Variants in FZD9 observed in about 807,000 individuals in gnomAD.
FZD9 encodes frizzled class receptor 9, also known as frizzled-9.
In FZD9, 29 loss-of-function variants were observed where a neutral mutation model predicts 29.9. The ratio of observed to expected loss-of-function variants is 0.97; its 90% CI spans 0.72 to 1.32. FZD9 has a LOEUF of 1.32. Ranked by LOEUF, FZD9 falls within the 40% of genes most tolerant of loss-of-function variation. The probability of loss-of-function intolerance (pLI) is 0.00; values close to 1 mark genes in which losing one functional copy is unlikely to be tolerated. For missense variants in FZD9, 822 were observed against 857.8 expected, an observed-to-expected ratio of 0.96 and a Z score of 0.52; for synonymous variants, 384 against 393.9, an observed-to-expected ratio of 0.97 and a Z score of 0.30.
In FZD9 at chr7:73,433,832, C is replaced by T. The variant is rs1360786539; in HGVS notation, c.-176C>T. 4.1e-5 allele frequency: 14 copies of T among 342,318 alleles called. No individual in the cohort carries two copies. The East Asian group carries it at 9.0e-4, about 22-fold the overall frequency. The allele number at this position is 342,318 out of a possible 1,614,324, so 21.2% of individuals were successfully genotyped here. ...AGCGGCGGTGGCGGCTAGGCGGGCT[C>T]GGCGGCTCCTGTCCCTCGGGCGGCT... On this transcript the variant is annotated 5_prime_UTR_variant, in exon 1 of 1. Coordinates refer to ENST00000344575, the MANE Select transcript of FZD9 (RefSeq NM_003508.3).
rs1164127954 is a variant in FZD9, at chr7:73,434,811, C to T, written c.804C>T (p.Ile268=). The T allele has an allele frequency of 1.2e-6, 2 of 1,613,156 alleles. No homozygotes were observed. The highest frequency in any genetic ancestry group is 2.7e-5 in the African/African-American group (2 of 74,936). ...TCCAGTACCCCGAGCGCCCCATCATCTTCCTCTCCATGTGCTACAACGTCT... is the reference window on the plus strand; with the variant it reads ...TCCAGTACCCCGAGCGCCCCATCATTTTCCTCTCCATGTGCTACAACGTCT... ...HRFQYPERPI[I]FLSMCYNVYS... Residue 268 remains isoleucine (I), a synonymous_variant, in exon 1 of 1, where the codon ATC becomes ATT. Coordinates refer to ENST00000344575, the MANE Select transcript of FZD9 (RefSeq NM_003508.3).
rs1019630729 is a variant in FZD9, at chr7:73,435,677, C to G, written c.1670C>G (p.Ala557Gly). 6.2e-7 allele frequency: 1 copy of G among 1,613,078 alleles called. No individual in the cohort carries two copies. Among genetic ancestry groups the G allele is most frequent in the East Asian group, 2.2e-5 (1 of 44,864 alleles). ...AGRARAKACR[A>G]PGSYGRGTHC... is the part of the protein sequence containing the mutation. ...CGGGCCCGGGCCAAGGCCTGCCGCG[C>G]CCCCGGGAGCTACGGACGTGGCACG... The change falls in exon 1 of 1, where the codon GCC becomes GGC. Residue 557 changes from alanine to glycine, a missense_variant. Transcript: ENST00000344575.
rs373174806 is a variant in FZD9, at chr7:73,435,036, G to A, written c.1029G>A (p.Gly343=). The part of the protein sequence containing the change: ...VLTLTWFLAA[G]KKWGHEAIEA... ...CGCTCACCTGGTTCCTGGCTGCCGG[G>A]AAGAAATGGGGCCACGAGGCCATCG... Residue 343 remains glycine (G), a synonymous_variant, in exon 1 of 1, where the codon GGG becomes GGA. Transcript: ENST00000344575. 4.3e-6 allele frequency: 7 copies of A among 1,613,872 alleles called. No individual in the cohort carries two copies. Among genetic ancestry groups the A allele is most frequent in the African/African-American group, 1.3e-5 (1 of 75,070 alleles).
At position 73,433,970 on chromosome 7, in the gene FZD9, CG is replaced by C. The variant is rs1787342501; in HGVS notation, c.-34del. ...GCGGGACCGCTGAGCCCGAGTGAGCCGGGGCCGCGCTCCCGCCTTCGGCCCG... is the reference window on the plus strand; with the variant it reads ...GCGGGACCGCTGAGCCCGAGTGAGCCGGGCCGCGCTCCCGCCTTCGGCCCG... On this transcript the variant is annotated 5_prime_UTR_variant, in exon 1 of 1. Coordinates refer to ENST00000344575, the MANE Select transcript of FZD9 (RefSeq NM_003508.3). 8.5e-7 allele frequency: 1 copy of C among 1,170,168 alleles called. No individual in the cohort carries two copies. Among genetic ancestry groups the C allele is most frequent in the Non-Finnish European group, 1.1e-6 (1 of 948,682 alleles). 72.5% of individuals were successfully genotyped at this position (1,170,168 alleles called of 1,614,324 possible). A position where few individuals can be genotyped will look rare whatever the true frequency, so the allele number is the denominator to read the frequency against.
Position 73,434,631 on chromosome 7 carries a change from C to A in FZD9, c.624C>A (p.Ser208Arg). The change falls in exon 1 of 1, where the codon AGC (serine) becomes AGA (arginine). Residue 208 changes from serine (S) to arginine (R), a missense_variant. Ser to Arg is a moderately radical substitution (Grantham distance 110). Transcript: ENST00000344575. Reference protein sequence around the residue: ...NPEKFQYVEKSRSCAPRCGPG... With the variant: ...NPEKFQYVEKRRSCAPRCGPG... Reference sequence around the variant, plus strand: ...AGAAGTTCCAGTACGTGGAGAAGAGCCGCTCGTGCGCACCGCGCTGCGGGC... The same window carrying A: ...AGAAGTTCCAGTACGTGGAGAAGAGACGCTCGTGCGCACCGCGCTGCGGGC... 6.3e-7 allele frequency: 1 copy of A among 1,590,990 alleles called. No homozygotes were observed. The highest frequency in any genetic ancestry group is 8.5e-7 in the Non-Finnish European group (1 of 1,174,988).
At position 73,435,347 on chromosome 7, in the gene FZD9, A is replaced by G; in HGVS notation, c.1340A>G (p.Lys447Arg). 1 of 1,613,838 alleles carries G rather than the reference A, an allele frequency of 6.2e-7. No individual in the cohort carries two copies. Among genetic ancestry groups the G allele is most frequent in the Non-Finnish European group, 8.5e-7 (1 of 1,179,890 alleles). ...NTEKLEKLMV[K>R]IGVFSILYTV... The stretch of plus-strand genomic sequence containing the variant: ...GAGAAGCTGGAGAAGCTCATGGTCA[A>G]GATCGGGGTCTTCTCCATCCTCTAC... Residue 447 changes from lysine (K) to arginine (R), a missense_variant, in exon 1 of 1, where the codon AAG becomes AGG. Transcript: ENST00000344575.
rs782231665 is a variant in FZD9, at chr7:73,434,376, G to T, written c.369G>T (p.Ala123=). The change falls in exon 1 of 1, where the codon GCG becomes GCT. Residue 123 remains alanine, a synonymous_variant. Transcript: ENST00000344575. ...PMCEQARLRC[A]PIMEQFNFGW... is the part of the protein sequence containing the mutation. ...GCGAGCAGGCGCGCCTGCGCTGCGC[G>T]CCCATCATGGAGCAGTTCAACTTCG... 1 of 1,583,834 alleles carries T rather than the reference G, an allele frequency of 6.3e-7. No individual in the cohort carries two copies. The highest frequency in any genetic ancestry group is 8.5e-7 in the Non-Finnish European group (1 of 1,172,174).
In FZD9 at chr7:73,435,072, C is replaced by A; in HGVS notation, c.1065C>A (p.Gly355=). The A allele has an allele frequency of 6.2e-7, 1 of 1,612,850 alleles. No individual in the cohort carries two copies. Among genetic ancestry groups the A allele is most frequent in the Non-Finnish European group, 8.5e-7 (1 of 1,179,598 alleles). The part of the protein sequence containing the change: ...KWGHEAIEAH[G]SYFHMAAWGL... ...GCCACGAGGCCATCGAGGCCCACGG[C>A]AGCTATTTCCACATGGCTGCCTGGG... Residue 355 remains glycine, a synonymous_variant, in exon 1 of 1, where the codon GGC becomes GGA. Coordinates refer to ENST00000344575, the MANE Select transcript of FZD9 (RefSeq NM_003508.3).
rs782497063 is a variant in FZD9, at chr7:73,434,150, G to A, written c.143G>A (p.Arg48His). The stretch of plus-strand genomic sequence containing the variant: ...CAGGCGGTGGAGATCCCCATGTGCC[G>A]CGGCATCGGCTACAACCTGACCCGC... The part of the protein sequence containing the change: ...PCQAVEIPMC[R>H]GIGYNLTRMP... The change falls in exon 1 of 1, where the codon CGC becomes CAC. Residue 48 changes from arginine (R) to histidine (H), a missense_variant. Arg to His is a conservative substitution (Grantham distance 29). Transcript: ENST00000344575. 3.2e-6 allele frequency: 5 copies of A among 1,552,912 alleles called. No homozygotes were observed. Among genetic ancestry groups the A allele is most frequent in the East Asian group, 5.0e-5 (2 of 39,982 alleles).
In FZD9 at chr7:73,434,418, C is replaced by T; in HGVS notation, c.411C>T (p.Leu137=). Residue 137 remains leucine (L), a synonymous_variant, in exon 1 of 1, where the codon CTC becomes CTT. Coordinates refer to ENST00000344575, the MANE Select transcript of FZD9 (RefSeq NM_003508.3). ...EQFNFGWPDS[L]DCARLPTRND... is the part of the protein sequence containing the mutation. The stretch of plus-strand genomic sequence containing the variant: ...TCAACTTCGGCTGGCCGGACTCGCT[C>T]GACTGCGCCCGGCTGCCCACGCGCA... The T allele has an allele frequency of 6.4e-7, 1 of 1,563,380 alleles. No homozygotes were observed. Among genetic ancestry groups the T allele is most frequent in the Non-Finnish European group, 8.6e-7 (1 of 1,163,344 alleles).
Position 73,433,943 on chromosome 7 carries a change from G to A in FZD9, c.-65G>A, listed in dbSNP as rs1210230312. 3 of 1,118,850 alleles carry A rather than the reference G, an allele frequency of 2.7e-6. No homozygotes were observed. The African/African-American group carries it at 5.0e-5, about 19-fold the overall frequency. 69.3% of individuals were successfully genotyped at this position (1,118,850 alleles called of 1,614,324 possible). A position where few individuals can be genotyped will look rare whatever the true frequency, so the allele number is the denominator to read the frequency against. ...CGCGACGTGGCGGGCAGGCACCGGG[G>A]CGCGGGACCGCTGAGCCCGAGTGAG... is the stretch of plus-strand genomic sequence containing the variant. On this transcript the variant is annotated 5_prime_UTR_variant, in exon 1 of 1. Coordinates refer to ENST00000344575, the MANE Select transcript of FZD9 (RefSeq NM_003508.3).
rs782385561 is a variant in FZD9, at chr7:73,434,700, G to C, written c.693G>C (p.Ala231=). The change falls in exon 1 of 1, where the codon GCG becomes GCC. Residue 231 remains alanine (A), a synonymous_variant. Coordinates refer to ENST00000344575, the MANE Select transcript of FZD9 (RefSeq NM_003508.3). ...VFWSRRDKDF[A]LVWMAVWSAL... Reference sequence around the variant, plus strand: ...GGTCCCGGCGCGACAAGGACTTCGCGCTGGTCTGGATGGCCGTGTGGTCGG... The same window carrying C: ...GGTCCCGGCGCGACAAGGACTTCGCCCTGGTCTGGATGGCCGTGTGGTCGG... The C allele has an allele frequency of 3.2e-5, 51 of 1,605,958 alleles. No individual in the cohort carries two copies. The highest frequency in any genetic ancestry group is 4.2e-5 in the Non-Finnish European group (49 of 1,179,610).
In FZD9 at chr7:73,434,094, C is replaced by T; in HGVS notation, c.87C>T (p.Asp29=). 4 of 1,395,374 alleles carry T rather than the reference C, an allele frequency of 2.9e-6. No homozygotes were observed. The highest frequency in any genetic ancestry group is 2.8e-6 in the Non-Finnish European group (3 of 1,082,116). The allele number at this position is 1,395,374 out of a possible 1,614,324, so 86.4% of individuals were successfully genotyped here. ...GGAALEIGRF[D]PERGRGAAPC... Reference sequence around the variant, plus strand: ...CGGCACTGGAGATCGGCCGCTTCGACCCGGAGCGCGGGCGCGGGGCTGCGC... The same window carrying T: ...CGGCACTGGAGATCGGCCGCTTCGATCCGGAGCGCGGGCGCGGGGCTGCGC... Residue 29 remains aspartate, a synonymous_variant, in exon 1 of 1, where the codon GAC becomes GAT. Coordinates refer to ENST00000344575, the MANE Select transcript of FZD9 (RefSeq NM_003508.3).
chr7:73,434,790 G>A lies in FZD9; in HGVS notation c.783G>A (p.Gln261=), dbSNP rs1399061339. 1.8e-5 allele frequency: 29 copies of A among 1,612,694 alleles called. No homozygotes were observed. Among genetic ancestry groups the A allele is most frequent in the African/African-American group, 2.7e-5 (2 of 74,944 alleles). ...LTFLLEPHRF[Q]YPERPIIFLS... ...TCTTGCTGGAGCCCCACCGCTTCCAGTACCCCGAGCGCCCCATCATCTTCC... is the reference window on the plus strand; with the variant it reads ...TCTTGCTGGAGCCCCACCGCTTCCAATACCCCGAGCGCCCCATCATCTTCC... The change falls in exon 1 of 1, where the codon CAG becomes CAA. Residue 261 remains glutamine (Q), a synonymous_variant. Coordinates refer to ENST00000344575, the MANE Select transcript of FZD9 (RefSeq NM_003508.3).
rs1554563179 is a variant in FZD9 at position 73,434,162 on chromosome 7, A to G, written c.155A>G (p.Tyr52Cys). The G allele has an allele frequency of 6.4e-7, 1 of 1,567,392 alleles. No homozygotes were observed. Among genetic ancestry groups the G allele is most frequent in the Non-Finnish European group, 8.6e-7 (1 of 1,164,384 alleles). ...VEIPMCRGIG[Y>C]NLTRMPNLLG... ...ATCCCCATGTGCCGCGGCATCGGCT[A>G]CAACCTGACCCGCATGCCCAACCTG... is the stretch of plus-strand genomic sequence containing the variant. Residue 52 changes from tyrosine to cysteine, a missense_variant, in exon 1 of 1, where the codon TAC (tyrosine) becomes TGC (cysteine). By Grantham distance (194) the Tyr-to-Cys change is radical. Coordinates refer to ENST00000344575, the MANE Select transcript of FZD9 (RefSeq NM_003508.3).
rs782546523 is a variant in FZD9 at position 73,434,890 on chromosome 7, G to C, written c.883G>C (p.Asp295His). Reference protein sequence around the residue: ...AVAGAQSVACDQEAGALYVIQ... With the variant: ...AVAGAQSVACHQEAGALYVIQ... ...GGCCGGAGCGCAGAGCGTGGCCTGT[G>C]ACCAGGAGGCGGGCGCGCTCTACGT... Residue 295 changes from aspartate to histidine, a missense_variant, in exon 1 of 1, where the codon GAC (aspartate) becomes CAC (histidine). Physicochemically the swap from Asp to His is moderately conservative, Grantham distance 81. Coordinates refer to ENST00000344575, the MANE Select transcript of FZD9 (RefSeq NM_003508.3). The C allele has an allele frequency of 6.2e-7, 1 of 1,613,682 alleles. No homozygotes were observed. Among genetic ancestry groups the C allele is most frequent in the Non-Finnish European group, 8.5e-7 (1 of 1,179,998 alleles).
Position 73,434,003 on chromosome 7 carries a change from C to T in FZD9, c.-5C>T, listed in dbSNP as rs1787343346. ...CGCTCCCGCCTTCGGCCCGGGCCTC[C>T]CGGGATGGCCGTGGCGCCTCTGCGG... On this transcript the variant is annotated 5_prime_UTR_variant, in exon 1 of 1. Transcript: ENST00000344575. The T allele has an allele frequency of 8.3e-7, 1 of 1,210,544 alleles. No homozygotes were observed. Among genetic ancestry groups the T allele is most frequent in the Admixed American group, 4.4e-5 (1 of 22,768 alleles). The allele number at this position is 1,210,544 out of a possible 1,614,324, so 75.0% of individuals were successfully genotyped here.
In FZD9 at chr7:73,433,968, G is replaced by C. The variant is rs1317955623; in HGVS notation, c.-40G>C. 4.5e-5 allele frequency: 53 copies of C among 1,167,590 alleles called. No homozygotes were observed. The Middle Eastern group carries it at 1.0e-3, about 23-fold the overall frequency. The allele number at this position is 1,167,590 out of a possible 1,614,324, so 72.3% of individuals were successfully genotyped here. On this transcript the variant is annotated 5_prime_UTR_variant, in exon 1 of 1. Coordinates refer to ENST00000344575, the MANE Select transcript of FZD9 (RefSeq NM_003508.3). ...GCGCGGGACCGCTGAGCCCGAGTGA[G>C]CCGGGGCCGCGCTCCCGCCTTCGGC...
chr7:73,435,538 A>C lies in FZD9; in HGVS notation c.1531A>C (p.Met511Leu), dbSNP rs781907193. The change falls in exon 1 of 1, where the codon ATG (methionine) becomes CTG (leucine). Residue 511 changes from methionine (M) to leucine (L), a missense_variant. Physicochemically the swap from Met to Leu is conservative, Grantham distance 15. Coordinates refer to ENST00000344575, the MANE Select transcript of FZD9 (RefSeq NM_003508.3). ...CTCGGTGCCCACCGTGGCGGTCTTC[A>C]TGCTCAAAATTTTCATGTCACTGGT... ...GGSVPTVAVF[M>L]LKIFMSLVVG... 1.9e-6 allele frequency: 3 copies of C among 1,613,342 alleles called. No homozygotes were observed. The highest frequency in any genetic ancestry group is 2.5e-6 in the Non-Finnish European group (3 of 1,179,864).
Sources: allele counts gnomAD v4.1 joint callset, GRCh38; gene constraint gnomAD v4.1.1; transcripts MANE v1.5; gene names NCBI Gene and HGNC (gene_info 2026-07-23, HGNC 2026-07-21).